The following CMTM8 variants were observed in gnomAD, a reference collection of about 807,000 sequenced individuals.
CMTM8 encodes the protein CKLF like MARVEL transmembrane domain containing 8, also known as CKLF-like MARVEL transmembrane domain-containing protein 8.
In CMTM8, 12 loss-of-function variants were observed where a neutral mutation model predicts 18.6. The ratio of observed to expected loss-of-function variants is 0.65; its 90% CI spans 0.41 to 1.05. CMTM8 has a LOEUF of 1.05. Ranked by LOEUF, CMTM8 falls within the 50% of genes least tolerant of loss-of-function variation. The pLI is 0.00. For missense variants in CMTM8, 217 were observed against 227.2 expected, an observed-to-expected ratio of 0.95 and a Z score of 0.29; for synonymous variants, 87 against 90.6, an observed-to-expected ratio of 0.96 and a Z score of 0.23.
chr3:32,365,505 G>A (rs60991243), intron 2 of CMTM8, among the ~76,000 whole-genome samples: 12,036 of 152,098 alleles, frequency 0.079, 652 homozygotes, highest in African/African-American at 0.15. Context: ...GAGTGCAGTG[G>A]CGTGATCTCG....
intron 1 of CMTM8, among the ~76,000 whole-genome samples, chr3:32,312,669 C>T (rs1365507954): frequency 6.6e-6 from 1 of 152,024 alleles, no homozygotes; most frequent in Non-Finnish European, 1.5e-5. Flanking sequence ...AAATCACTGG[C>T]CATTGGTGAT....
At chr3:32,286,481 TA>T (rs1383173129) in intron 1 of CMTM8, among the ~76,000 whole-genome samples, 1 of 152,078 alleles carries the variant, frequency 6.6e-6, no homozygotes, top group African/African-American at 2.4e-5. Flanking sequence ...GTGGCAAAGT[TA>T]ATGTTCCCCA....
chr3:32,241,328 A>G (rs1233561142), intron 1 of CMTM8, among the ~76,000 whole-genome samples: 3 of 152,144 alleles, frequency 2.0e-5, no homozygotes, highest in African/African-American at 4.8e-5. Context: ...TATAGGTCCA[A>G]ACACTTCTGA....
intron 1 of CMTM8, among the ~76,000 whole-genome samples, chr3:32,275,666 T>TTTTTG (rs144431874): frequency 5.1e-4 from 48 of 93,436 alleles, no homozygotes; most frequent in Non-Finnish European, 8.8e-4. Context: ...TTTTTTTTTT[T>TTTTTG]GGGGACAGAG....
chr3:32,291,870 C>T (rs938741628), intron 1 of CMTM8, among the ~76,000 whole-genome samples: 7 of 152,162 alleles, frequency 4.6e-5, no homozygotes, highest in Non-Finnish European at 4.4e-5. Flanking sequence ...GAGGGGGAGT[C>T]CTTTCCTGCC....
intron 1 of CMTM8, among the ~76,000 whole-genome samples, chr3:32,287,060 G>C (rs1196956513): frequency 1.3e-5 from 2 of 152,210 alleles, no homozygotes; most frequent in Non-Finnish European, 2.9e-5. Context: ...CCTATTTGTG[G>C]CTGCTTTGCT....
chr3:32,312,465 TGAACAGC>T (rs1273728212), intron 1 of CMTM8, among the ~76,000 whole-genome samples: 3 of 140,638 alleles, frequency 2.1e-5, no homozygotes, highest in African/African-American at 9.7e-5. Context: ...AGGATACAGA[TGAACAGC>T]CAGAAGCTGA....
chr3:32,355,578 C>T (rs1303247624), intron 1 of CMTM8, among the ~76,000 whole-genome samples: 2 of 152,100 alleles, frequency 1.3e-5, no homozygotes. Flanking sequence ...CACACCACTG[C>T]TCCCCCTTTC....
chr3:32,345,351 T>A (rs1303348895), intron 1 of CMTM8, among the ~76,000 whole-genome samples: 1 of 151,840 alleles, frequency 6.6e-6, no homozygotes, highest in Non-Finnish European at 1.5e-5. Flanking sequence ...ATGAGACCAG[T>A]CTCAAAAAAC....
intron 1 of CMTM8, among the ~76,000 whole-genome samples, chr3:32,297,002 G>C (rs1027429863): frequency 2.6e-5 from 4 of 152,040 alleles, no homozygotes; most frequent in East Asian, 1.9e-4. Context: ...CTCATAGGAT[G>C]GTTGTTTTTC....
chr3:32,316,847 T>G (rs935438588), intron 1 of CMTM8, among the ~76,000 whole-genome samples: 1 of 152,250 alleles, frequency 6.6e-6, no homozygotes, highest in African/African-American at 2.4e-5. Flanking sequence ...TGACTGTTCG[T>G]AAGTCCAGAC....
intron 1 of CMTM8, among the ~76,000 whole-genome samples, chr3:32,299,422 G>A (rs767873080): frequency 1.3e-5 from 2 of 152,086 alleles, no homozygotes; most frequent in Admixed American, 1.3e-4. Context: ...TCCTTTTATA[G>A]GAGTCATTGA....
In CMTM8 at chr3:32,369,991, GAA is replaced by G; in HGVS notation, c.*32_*33del. ...GATTTACCATTTTGATAATTAAAAG[GAA>G]AAAAAAAGGAAGACTCTCACTGTAA... On this transcript the variant is annotated 3_prime_UTR_variant, in exon 4 of 4. Transcript: ENST00000307526. 7.4e-7 allele frequency: 1 copy of G among 1,359,406 alleles called. No individual in the cohort carries two copies. 84.2% of individuals were successfully genotyped at this position (1,359,406 alleles called of 1,614,324 possible). A position where few individuals can be genotyped will look rare whatever the true frequency, so the allele number is the denominator to read the frequency against.
intron 2 of CMTM8, among the ~76,000 whole-genome samples, chr3:32,367,037 C>T (rs1035377315): frequency 5.9e-5 from 9 of 152,144 alleles, no homozygotes; most frequent in African/African-American, 2.2e-4. Context: ...TCCTCCCTTT[C>T]CCCTACCCCT....
intron 1 of CMTM8, among the ~76,000 whole-genome samples, chr3:32,295,381 A>G (rs892319212): frequency 1.4e-5 from 2 of 140,746 alleles, no homozygotes. Context: ...GTTTGAATCC[A>G]GGAGGCGGAG....
At chr3:32,338,492 T>C (rs1163259382) in intron 1 of CMTM8, among the ~76,000 whole-genome samples, 1 of 152,150 alleles carries the variant, frequency 6.6e-6, no homozygotes, top group Non-Finnish European at 1.5e-5. Flanking sequence ...ATCACTGCTT[T>C]TACCTCTATC....
intron 1 of CMTM8, among the ~76,000 whole-genome samples, chr3:32,334,180 C>G (rs1575181428): frequency 6.6e-6 from 1 of 151,662 alleles, no homozygotes. Context: ...GTTTCACCAT[C>G]TTGGCCAGGC....
At chr3:32,280,408 T>A (rs1378501844) in intron 1 of CMTM8, among the ~76,000 whole-genome samples, 1 of 152,074 alleles carries the variant, frequency 6.6e-6, no homozygotes, top group Admixed American at 6.6e-5. Flanking sequence ...GTCGTGGGCC[T>A]AGTCTTTATT....
intron 1 of CMTM8, among the ~76,000 whole-genome samples, chr3:32,285,749 A>C (rs1702670689): frequency 6.6e-6 from 1 of 152,130 alleles, no homozygotes; most frequent in African/African-American, 2.4e-5. Flanking sequence ...TGAATCCCCC[A>C]TTACCCCAGC....
Sources: allele counts gnomAD v4.1 joint callset (sites outside exome capture counted in the v4.1 genomes callset), GRCh38; gene constraint gnomAD v4.1.1; transcripts MANE v1.5; gene names NCBI Gene and HGNC (gene_info 2026-07-23, HGNC 2026-07-21).